Variants in MORC3 observed in about 807,000 individuals in gnomAD.
MORC3 encodes MORC family CW-type zinc finger 3, also known as MORC family CW-type zinc finger protein 3.
MORC3 carries 31 observed loss-of-function variants against 109.1 expected under a neutral mutation model. The observed-to-expected ratio is 0.28, with a 90% CI of 0.21 to 0.38. The LOEUF (loss-of-function observed/expected upper bound fraction) is 0.38, where lower values mean the gene tolerates loss of function less well. Ranked by LOEUF, MORC3 falls within the 10% of genes least tolerant of loss-of-function variation. The pLI, the probability that MORC3 is intolerant of heterozygous loss-of-function variation, is 1.00. For missense variants in MORC3, 867 were observed against 1,135.8 expected (o/e 0.76, Z 3.40); for synonymous variants, 395 against 380.7 (o/e 1.04, Z -0.44).
In MORC3 at chr21:36,369,209, G is replaced by C. The variant is rs1210088252; in HGVS notation, c.1841G>C (p.Gly614Ala). 1.2e-5 allele frequency: 20 copies of C among 1,614,006 alleles called. No individual in the cohort carries two copies. Among genetic ancestry groups the C allele is most frequent in the Non-Finnish European group, 1.7e-5 (20 of 1,180,044 alleles). ...GGTGGTGTTCAGGTTGAGTTTGTGG[G>C]TGACAGTGAACCTTGTGGCCAGACT... Reference protein sequence around the residue: ...EQGGVQVEFVGDSEPCGQTGS... With the variant: ...EQGGVQVEFVADSEPCGQTGS... The change falls in exon 15 of 17, where the codon GGT becomes GCT. Residue 614 changes from glycine to alanine, a missense_variant. This residue lies in a region of MORC3 where 486 missense variants were observed against 502.1 expected (regional missense o/e 0.97). Transcript: ENST00000400485.
chr21:36,348,415 G>C (rs1218369995), intron 8 of MORC3, among the ~76,000 whole-genome samples: 2 of 151,630 alleles, frequency 1.3e-5, no homozygotes. Flanking sequence ...TTCTTTTTTT[G>C]TCTTTTTGAA....
At chr21:36,326,259 C>T (rs1349095606) in intron 1 of MORC3, among the ~76,000 whole-genome samples, 1 of 147,006 alleles carries the variant, frequency 6.8e-6, no homozygotes, top group African/African-American at 2.5e-5. Flanking sequence ...CTCGGTGGCT[C>T]ATGCCTGTAA....
At chr21:36,356,173 C>T (rs755948758) in intron 9 of MORC3, among the ~76,000 whole-genome samples, 16 of 152,112 alleles carry the variant, frequency 1.1e-4, no homozygotes, top group Non-Finnish European at 2.4e-4. Flanking sequence ...AAGACTGCAT[C>T]TTTGTTTACA....
chr21:36,340,556 C>T (rs745323644), intron 5 of MORC3, among the ~76,000 whole-genome samples: 33 of 150,622 alleles, frequency 2.2e-4, no homozygotes, highest in Non-Finnish European at 4.3e-4. Context: ...TAACTCCTGG[C>T]GTTTTCCAGG....
intron 1 of MORC3, chr21:36,320,780 G>A (rs1303370602): frequency 6.3e-6 from 1 of 158,964 alleles, no homozygotes; most frequent in Non-Finnish European, 1.4e-5. Context: ...CAGGATGAGT[G>A]TGCCTGATGC....
chr21:36,373,436 C>T (rs979910644), intron 16 of MORC3, among the ~76,000 whole-genome samples: 1 of 151,860 alleles, frequency 6.6e-6, no homozygotes, highest in African/African-American at 2.4e-5. Flanking sequence ...CCAGCCTGAC[C>T]AACATGGTGA....
At chr21:36,354,296 A>G (rs1290538650) in intron 9 of MORC3, among the ~76,000 whole-genome samples, 1 of 137,602 alleles carries the variant, frequency 7.3e-6, no homozygotes, top group African/African-American at 2.7e-5. Context: ...ACTTATTTCC[A>G]TTTTTGTTTT....
chr21:36,344,440 CAT>C, intron 6 of MORC3, 137 bp from the exon 7 acceptor site: 11 of 1,008,758 alleles, frequency 1.1e-5, no homozygotes, highest in Non-Finnish European at 1.5e-5. Flanking sequence ...ATCAGAATAA[CAT>C]ACAGCTTTAT....
At chr21:36,372,783 G>A (rs1428878190) in intron 16 of MORC3, among the ~76,000 whole-genome samples, 1 of 152,194 alleles carries the variant, frequency 6.6e-6, no homozygotes. Context: ...ATTGGTCAGA[G>A]TGGTTTTAGA....
chr21:36,359,076 A>G (rs574095440), intron 10 of MORC3, among the ~76,000 whole-genome samples: 10 of 152,198 alleles, frequency 6.6e-5, no homozygotes, highest in Admixed American at 5.9e-4. Flanking sequence ...GTCTTATTTA[A>G]AGTTACTTAA....
chr21:36,359,008 C>A (rs1367379497), intron 10 of MORC3, among the ~76,000 whole-genome samples: 1 of 152,020 alleles, frequency 6.6e-6, no homozygotes, highest in Non-Finnish European at 1.5e-5. Flanking sequence ...AATATGAAAG[C>A]ATTTTGTAAA....
intron 15 of MORC3, among the ~76,000 whole-genome samples, chr21:36,371,841 T>C (rs1319233643): frequency 6.6e-6 from 1 of 150,502 alleles, no homozygotes; most frequent in Admixed American, 6.6e-5. Context: ...GAGATGGAAC[T>C]TCGCTCTTGT....
intron 2 of MORC3, 46 bp downstream of exon 2, chr21:36,333,764 A>AGG (rs1601513541): frequency 1.6e-5 from 19 of 1,201,398 alleles, no homozygotes; most frequent in Non-Finnish European, 3.6e-6. Context: ...TTACAATTGT[A>AGG]GTGTTTTTTT....
intron 14 of MORC3, among the ~76,000 whole-genome samples, chr21:36,368,434 C>G (rs2085805486): frequency 1.3e-5 from 2 of 152,086 alleles, no homozygotes; most frequent in African/African-American, 2.4e-5. Flanking sequence ...AGATGTTTGG[C>G]AGTAAATAGA....
chr21:36,338,314 T>C (rs1301586053), intron 4 of MORC3, among the ~76,000 whole-genome samples: 5 of 152,196 alleles, frequency 3.3e-5, no homozygotes, highest in African/African-American at 4.8e-5. Flanking sequence ...TATTAGAAAG[T>C]ATTAAGTTAG....
At position 36,369,963 on chromosome 21, in the gene MORC3, A is replaced by G. The variant is rs531631867; in HGVS notation, c.2508+87A>G. ...GCCAGTTGGCTGGGCGCGGTGGCTCATACCTGTAATCCCACCACTTGGGGA... is the reference window on the plus strand; with the variant it reads ...GCCAGTTGGCTGGGCGCGGTGGCTCGTACCTGTAATCCCACCACTTGGGGA... On this transcript the variant is annotated intron_variant, in intron 15 of 16. Coordinates refer to ENST00000400485, the MANE Select transcript of MORC3 (RefSeq NM_015358.3). 4.3e-5 allele frequency: 63 copies of G among 1,474,020 alleles called. No individual in the cohort carries two copies. The East Asian group carries it at 1.3e-3, about 30-fold the overall frequency. 91.3% of individuals were successfully genotyped at this position (1,474,020 alleles called of 1,614,324 possible).
At position 36,338,828 on chromosome 21, in the gene MORC3, A is replaced by G; in HGVS notation, c.515A>G (p.His172Arg). Residue 172 changes from histidine to arginine, a missense_variant, in exon 5 of 17, where the codon CAT becomes CGT. Around this residue, in one of 7 missense-constraint regions of MORC3, gnomAD observed 134 missense variants for 166.6 expected, o/e 0.80. Transcript: ENST00000400485. The part of the protein sequence containing the change: ...SKASLAAILE[H>R]SLFSTEQKLL... ...GCCAGCCTTGCTGCAATTCTGGAAC[A>G]TTCTCTGTTTTCCACGGAACAGAAG... The G allele has an allele frequency of 6.2e-7, 1 of 1,614,076 alleles. No homozygotes were observed. The highest frequency in any genetic ancestry group is 8.5e-7 in the Non-Finnish European group (1 of 1,179,958).
chr21:36,337,919 G>A lies in MORC3; in HGVS notation c.433G>A (p.Val145Ile). Residue 145 changes from valine (V) to isoleucine (I), a missense_variant, in exon 4 of 17, where the codon GTT (valine) becomes ATT (isoleucine). By Grantham distance (29) the Val-to-Ile change is conservative. Coordinates refer to ENST00000400485, the MANE Select transcript of MORC3 (RefSeq NM_015358.3). ...AGTCATAAAAGCGGAGCATGTTGTT[G>A]TTCCAATAGTGGCATTCAACAAGCA... is the stretch of plus-strand genomic sequence containing the variant. ...LEVIKAEHVV[V>I]PIVAFNKHRQ... The A allele has an allele frequency of 6.2e-7, 1 of 1,614,106 alleles. No homozygotes were observed. Among genetic ancestry groups the A allele is most frequent in the Non-Finnish European group, 8.5e-7 (1 of 1,179,986 alleles).
intron 9 of MORC3, among the ~76,000 whole-genome samples, chr21:36,352,971 T>TAAA (rs777452359): frequency 8.2e-6 from 1 of 122,234 alleles, no homozygotes. Context: ...ACCTTTTCTC[T>TAAA]AAAAAAAAAA....
Sources: allele counts gnomAD v4.1 joint callset (sites outside exome capture counted in the v4.1 genomes callset), GRCh38; gene constraint gnomAD v4.1.1; regional missense constraint gnomAD v4.1.1; transcripts MANE v1.5; gene names NCBI Gene and HGNC (gene_info 2026-07-23, HGNC 2026-07-21).